PRRC2B: variants seen among roughly 807,000 people sequenced by gnomAD.
PRRC2B encodes protein PRRC2B.
PRRC2B carries 68 observed loss-of-function variants against 242.3 expected under a neutral mutation model. The ratio of observed to expected loss-of-function variants is 0.28; its 90% CI spans 0.23 to 0.34. The LOEUF is 0.34. Among genes scored for constraint, PRRC2B ranks in the 10% least tolerant of loss-of-function variants. The pLI, the probability that PRRC2B is intolerant of heterozygous loss-of-function variation, is 1.00. For missense variants in PRRC2B, 2,835 were observed against 2,954.8 expected (o/e 0.96, Z 0.94); for synonymous variants, 1,228 against 1,173.6 (o/e 1.05, Z -0.95).
At chr9:131,445,033 GTA>G in intron 6 of PRRC2B, among the ~76,000 whole-genome samples, 1 of 152,318 alleles carries the variant, frequency 6.6e-6, no homozygotes, top group Middle Eastern at 3.4e-3. Context: ...TTGCCTTGAT[GTA>G]TCCCCAAGGC....
At chr9:131,484,622 G>T in intron 23 of PRRC2B, 64 bp from the exon 24 acceptor site, 1 of 1,306,664 alleles carries the variant, frequency 7.7e-7, no homozygotes, top group Non-Finnish European at 1.1e-6. Context: ...AGCCATGGAT[G>T]GGTTTGGGCA....
chr9:131,427,287 C>T (rs570337012), intron 1 of PRRC2B, among the ~76,000 whole-genome samples: 29 of 152,208 alleles, frequency 1.9e-4, no homozygotes, highest in African/African-American at 6.3e-4. Flanking sequence ...TGTTTGTAAT[C>T]GATTTTCACT....
intron 1 of PRRC2B, among the ~76,000 whole-genome samples, chr9:131,395,762 G>A (rs1274273726): frequency 2.0e-5 from 3 of 152,192 alleles, no homozygotes; most frequent in Non-Finnish European, 4.4e-5. Context: ...ATTAGTGGGC[G>A]CTTATACAGT....
intron 15 of PRRC2B, among the ~76,000 whole-genome samples, chr9:131,474,064 T>C (rs916431399): frequency 1.3e-5 from 2 of 152,164 alleles, no homozygotes; most frequent in Non-Finnish European, 2.9e-5. Context: ...GAGTTAGCCC[T>C]GCCACCCCCA....
intron 5 of PRRC2B, among the ~76,000 whole-genome samples, chr9:131,442,561 G>A (rs1406592655): frequency 1.3e-5 from 2 of 152,198 alleles, no homozygotes; most frequent in Non-Finnish European, 2.9e-5. Flanking sequence ...GGAGTGGCAA[G>A]CGAATTGCTG....
intron 1 of PRRC2B, among the ~76,000 whole-genome samples, chr9:131,404,128 AAAT>A (rs1450341655): frequency 1.3e-5 from 2 of 152,154 alleles, no homozygotes; most frequent in Non-Finnish European, 2.9e-5. Context: ...AGTGTTTTAA[AAAT>A]AATGTTAGGT....
At chr9:131,427,859 G>A (rs557738064) in intron 1 of PRRC2B, among the ~76,000 whole-genome samples, 63 of 152,306 alleles carry the variant, frequency 4.1e-4, no homozygotes, top group African/African-American at 1.5e-3. Flanking sequence ...CTTAATTATT[G>A]CTTTAGCTTT....
chr9:131,409,150 G>A (rs1259704492), intron 1 of PRRC2B, among the ~76,000 whole-genome samples: 1 of 151,532 alleles, frequency 6.6e-6, no homozygotes, highest in Non-Finnish European at 1.5e-5. Flanking sequence ...AGCCTCCCAA[G>A]TAACTGAGAT....
intron 1 of PRRC2B, among the ~76,000 whole-genome samples, chr9:131,386,742 C>T (rs968451785): frequency 6.7e-6 from 1 of 149,782 alleles, no homozygotes; most frequent in Non-Finnish European, 1.5e-5. Context: ...TGCCAGGCAC[C>T]ATGCTTGATG....
chr9:131,420,508 T>TCTTTCTCTCTTTC (rs1837807733), intron 1 of PRRC2B, among the ~76,000 whole-genome samples: 1 of 129,504 alleles, frequency 7.7e-6, no homozygotes, highest in Non-Finnish European at 1.6e-5. Flanking sequence ...TTTTTTTTTT[T>TCTTTCTCTCTTTC]TTGAGATGGA....
At chr9:131,400,557 A>T (rs1021577776) in intron 1 of PRRC2B, among the ~76,000 whole-genome samples, 2 of 152,056 alleles carry the variant, frequency 1.3e-5, no homozygotes, top group African/African-American at 4.8e-5. Flanking sequence ...ACCTCAGGTG[A>T]TCCACCTGCC....
chr9:131,375,868 A>T (rs1246259347), intron 1 of PRRC2B, among the ~76,000 whole-genome samples: 1 of 151,596 alleles, frequency 6.6e-6, no homozygotes, highest in Non-Finnish European at 1.5e-5. Flanking sequence ...GGCCATTGTG[A>T]TGAAACCCTG....
intron 2 of PRRC2B, among the ~76,000 whole-genome samples, chr9:131,431,563 C>T (rs1343314650): frequency 6.6e-6 from 1 of 151,548 alleles, no homozygotes; most frequent in Non-Finnish European, 1.5e-5. Context: ...CTGCGCCTGG[C>T]CAGTGTTATC....
chr9:131,430,038 ACT>A (rs533008024), intron 1 of PRRC2B, 54 bp from the exon 2 acceptor site: 6,598 of 646,908 alleles, frequency 0.01, 38 homozygotes, highest in Non-Finnish European at 0.011. Flanking sequence ...CTGTAGTGAC[ACT>A]CTTTTTTTTT....
At chr9:131,431,031 A>G (rs1464210413) in intron 2 of PRRC2B, among the ~76,000 whole-genome samples, 3 of 150,396 alleles carry the variant, frequency 2.0e-5, no homozygotes, top group African/African-American at 7.4e-5. Flanking sequence ...GCTCAGTGCA[A>G]CCTTCACCTC....
chr9:131,487,997 C>T lies in PRRC2B; in HGVS notation c.6126C>T (p.Tyr2042=), dbSNP rs757456721. 6.2e-7 allele frequency: 1 copy of T among 1,612,182 alleles called. No homozygotes were observed. The change falls in exon 28 of 32, where the codon TAC becomes TAT. Residue 2042 remains tyrosine, a synonymous_variant. Transcript: ENST00000683519. The surrounding 1 kb of genome is among the most constrained non-coding windows in gnomAD (Gnocchi z 5.3). ...EMVKPQSGSP[Y]QPMSGNQALV... ...TGAAGCCGCAGTCTGGCTCACCCTACCAGCCCATGAGCGGGAACCAAGCCC... is the reference window on the plus strand; with the variant it reads ...TGAAGCCGCAGTCTGGCTCACCCTATCAGCCCATGAGCGGGAACCAAGCCC...
In PRRC2B at chr9:131,494,019, C is replaced by CT. The variant is rs896107228; in HGVS notation, c.6474-385dup. Among the ~76,000 whole-genome samples the CT allele has an allele frequency of 1.3e-5, 2 of 152,242 alleles. No individual in the cohort carries two copies. The highest frequency in any genetic ancestry group is 4.8e-5 in the African/African-American group (2 of 41,462). ...AGAACAATACTCGGCACAGTTCTGG[C>CT]TCAGCGTCAGGCTTCTAGGCCTTTT... On this transcript the variant is annotated intron_variant, in intron 30 of 31. Coordinates refer to ENST00000683519, the MANE Select transcript of PRRC2B (RefSeq NM_013318.4). The surrounding 1 kb of genome is among the most constrained non-coding windows in gnomAD (Gnocchi z 4.3).
chr9:131,385,950 C>T (rs1212285439), intron 1 of PRRC2B, among the ~76,000 whole-genome samples: 1 of 150,472 alleles, frequency 6.6e-6, no homozygotes, highest in African/African-American at 2.4e-5. Context: ...ACCTCGGCCT[C>T]CCAAAGTGCT....
chr9:131,422,489 G>A (rs915998894), intron 1 of PRRC2B, among the ~76,000 whole-genome samples: 9 of 152,252 alleles, frequency 5.9e-5, no homozygotes, highest in African/African-American at 2.2e-4. Context: ...CCTGGCCCTT[G>A]AAGTGCTGGT....
Sources: gnomAD v4.1 joint callset for allele counts (sites outside exome capture counted in the v4.1 genomes callset) on GRCh38, gnomAD v4.1.1 for gene constraint, Gnocchi (gnomAD v3.1) non-coding constraint, MANE v1.5 for transcripts, NCBI Gene and HGNC (gene_info 2026-07-23, HGNC 2026-07-21) for gene names.